Variants in GRB10 observed in about 807,000 individuals in gnomAD.
GRB10 encodes growth factor receptor bound protein 10, also known as growth factor receptor-bound protein 10.
Under a neutral mutation model 80.9 loss-of-function variants are expected in GRB10, and 20 were observed. The observed-to-expected ratio is 0.25, with a 90% confidence interval of 0.17 to 0.36. The LOEUF is 0.36. Among genes scored for constraint, GRB10 ranks in the 10% least tolerant of loss-of-function variants. The pLI is 1.00. For missense variants in GRB10, 548 were observed against 747.7 expected (o/e 0.73, Z 3.12); for synonymous variants, 291 against 291.5 (o/e 1.00, Z 0.02).
intron 5 of GRB10, among the ~76,000 whole-genome samples, chr7:50,685,764 TAAGGCATC>T (rs1255996274): frequency 1.3e-5 from 2 of 152,186 alleles, no homozygotes; most frequent in Non-Finnish European, 2.9e-5. Context: ...GCCTGAATTC[TAAGGCATC>T]AGGATGAGAA....
At chr7:50,646,547 CT>C (rs1285318495) in intron 7 of GRB10, among the ~76,000 whole-genome samples, 1 of 151,972 alleles carries the variant, frequency 6.6e-6, no homozygotes, top group African/African-American at 2.4e-5. Context: ...ATAGGTTCTC[CT>C]TTTTTTGGTC....
rs1030411002 is a variant in GRB10, at chr7:50,592,703, T to C, written c.*249A>G. The C allele has an allele frequency of 2.6e-5, 14 of 547,158 alleles. No individual in the cohort carries two copies. In the East Asian group the frequency reaches 3.5e-4, roughly 14 times the overall value. 33.9% of individuals were successfully genotyped at this position (547,158 alleles called of 1,614,324 possible). A position where few individuals can be genotyped will look rare whatever the true frequency, so the allele number is the denominator to read the frequency against. On this transcript the variant is annotated 3_prime_UTR_variant, in exon 19 of 19. Transcript: ENST00000401949. ...TGATCATTCCAGTTTATTTTCAACT[T>C]TCCGCTGGATCTTCCATGCCCTCCC...
upstream of GRB10, among the ~76,000 whole-genome samples, chr7:50,785,978 G>A (rs1370175992): frequency 6.6e-6 from 1 of 152,210 alleles, no homozygotes; most frequent in East Asian, 1.9e-4. Context: ...ATTCCCAGTA[G>A]TGGGAGAGGC....
chr7:50,730,103 C>T (rs2069402507), intron 4 of GRB10, among the ~76,000 whole-genome samples: 1 of 152,162 alleles, frequency 6.6e-6, no homozygotes, highest in Admixed American at 6.5e-5. Context: ...TGCAGGATTT[C>T]TCCAAGGTCA....
At chr7:50,723,940 G>C (rs1052917268) in intron 4 of GRB10, among the ~76,000 whole-genome samples, 2 of 152,248 alleles carry the variant, frequency 1.3e-5, no homozygotes, top group Admixed American at 6.5e-5. Flanking sequence ...TCACGCCCTA[G>C]TGCAGTGGCA....
intron 4 of GRB10, among the ~76,000 whole-genome samples, chr7:50,713,405 G>GCCACCTCCATCTCCTCTACCACCC (rs1563557023): frequency 7.5e-6 from 1 of 133,188 alleles, no homozygotes; most frequent in African/African-American, 2.9e-5. Flanking sequence ...CTCCTCCACC[G>GCCACCTCCATCTCCTCTACCACCC]CCACCTCCAT....
chr7:50,715,083 C>A (rs537921926), intron 4 of GRB10, among the ~76,000 whole-genome samples: 58 of 151,892 alleles, frequency 3.8e-4, no homozygotes, highest in Admixed American at 9.8e-4. Context: ...ATTTCTAAGT[C>A]CCTCCCACAG....
intron 3 of GRB10, among the ~76,000 whole-genome samples, chr7:50,733,648 C>A (rs61148379): frequency 0.01 from 1,564 of 152,296 alleles, 26 homozygotes; most frequent in African/African-American, 0.033. Flanking sequence ...AGAACTGTGC[C>A]CGCATCCACC....
chr7:50,791,753 G>C (rs1203715250), intron 1 of GRB10, among the ~76,000 whole-genome samples: 1 of 152,172 alleles, frequency 6.6e-6, no homozygotes, highest in Non-Finnish European at 1.5e-5. Context: ...TCTCTTTCAA[G>C]TGCTCCCAGT....
intron 2 of GRB10, among the ~76,000 whole-genome samples, chr7:50,763,444 G>A (rs1198757168): frequency 6.6e-6 from 1 of 152,212 alleles, no homozygotes; most frequent in African/African-American, 2.4e-5. Context: ...GGCATGGGGA[G>A]GCCCGCTGGA....
At chr7:50,731,061 G>C (rs1335861242) in intron 4 of GRB10, among the ~76,000 whole-genome samples, 1 of 152,100 alleles carries the variant, frequency 6.6e-6, no homozygotes, top group Non-Finnish European at 1.5e-5. Flanking sequence ...TTAATCAATG[G>C]GGGGAGGCAA....
chr7:50,633,659 AAG>A (rs1238562423), intron 7 of GRB10, among the ~76,000 whole-genome samples: 1 of 151,936 alleles, frequency 6.6e-6, no homozygotes, highest in African/African-American at 2.4e-5. Context: ...AAAAAACCAG[AAG>A]AGTAATTCTG....
chr7:50,667,042 C>CA (rs777580027), intron 7 of GRB10, among the ~76,000 whole-genome samples: 76,845 of 108,106 alleles, frequency 0.71, 28,536 homozygotes, highest in Middle Eastern at 0.9. Flanking sequence ...GACTCTGTCT[C>CA]AAAAAAAAAA....
intron 2 of GRB10, among the ~76,000 whole-genome samples, chr7:50,780,287 G>A (rs1464962392): frequency 2.6e-5 from 4 of 152,106 alleles, no homozygotes; most frequent in African/African-American, 9.7e-5. Flanking sequence ...GCATGGCCAT[G>A]CCCACTACCA....
At chr7:50,749,987 C>A (rs759399504) in intron 3 of GRB10, among the ~76,000 whole-genome samples, 2 of 152,224 alleles carry the variant, frequency 1.3e-5, no homozygotes, top group Admixed American at 6.5e-5. Flanking sequence ...CAACTTAGGA[C>A]AGACTGTAAC....
intron 7 of GRB10, among the ~76,000 whole-genome samples, chr7:50,647,362 A>C (rs1179953933): frequency 7.9e-6 from 1 of 127,330 alleles, no homozygotes; most frequent in East Asian, 2.1e-4. Flanking sequence ...CTATAATTTG[A>C]AAAAATGTTT....
chr7:50,619,885 A>G (rs918838636), intron 8 of GRB10, among the ~76,000 whole-genome samples: 1 of 152,210 alleles, frequency 6.6e-6, no homozygotes, highest in African/African-American at 2.4e-5. Flanking sequence ...AAGGCAGGGA[A>G]GAAAACACAC....
intron 7 of GRB10, among the ~76,000 whole-genome samples, chr7:50,639,405 G>C (rs2055720641): frequency 6.6e-6 from 1 of 152,298 alleles, no homozygotes; most frequent in Admixed American, 6.5e-5. Context: ...GCCAGGCGCA[G>C]TGGCTCACGC....
intron 4 of GRB10, among the ~76,000 whole-genome samples, chr7:50,712,918 C>A (rs2066117038): frequency 6.6e-6 from 1 of 152,210 alleles, no homozygotes; most frequent in Non-Finnish European, 1.5e-5. Flanking sequence ...CAACCATCAC[C>A]ACAATCTAAT....
Sources: allele counts gnomAD v4.1 joint callset (sites outside exome capture counted in the v4.1 genomes callset), GRCh38; gene constraint gnomAD v4.1.1; transcripts MANE v1.5; gene names NCBI Gene and HGNC (gene_info 2026-07-23, HGNC 2026-07-21).